The following ITPK1 variants were observed in gnomAD, a reference collection of about 807,000 sequenced individuals.
ITPK1 encodes inositol 1,3,4-trisphosphate 5/6-kinase.
In ITPK1, 21 loss-of-function variants were observed where a neutral mutation model predicts 45.3. The ratio of observed to expected loss-of-function variants is 0.46; its 90% CI spans 0.33 to 0.67. ITPK1 has a LOEUF of 0.67. Among genes scored for constraint, ITPK1 ranks in the 30% least tolerant of loss-of-function variants. The probability of loss-of-function intolerance (pLI) is 0.02; values close to 1 mark genes in which losing one functional copy is unlikely to be tolerated. For missense variants in ITPK1, 474 were observed against 573.5 expected (o/e 0.83, Z 1.77); for synonymous variants, 258 against 253.6 (o/e 1.02, Z -0.16).
intron 3 of ITPK1, among the ~76,000 whole-genome samples, chr14:93,058,675 G>A (rs1350929352): frequency 1.2e-4 from 2 of 16,428 alleles, no homozygotes; most frequent in African/African-American, 3.3e-4. Context: ...GAGGGGGTGC[G>A]GGTTATGAGG....
chr14:92,945,425 C>A, intron 10 of ITPK1, among the ~76,000 whole-genome samples: 1 of 152,266 alleles, frequency 6.6e-6, no homozygotes, highest in East Asian at 1.9e-4. Flanking sequence ...CAGGCACAGT[C>A]TCTGAAGGCA....
chr14:93,091,473 T>G (rs1209280707), intron 2 of ITPK1, among the ~76,000 whole-genome samples: 1 of 152,216 alleles, frequency 6.6e-6, no homozygotes, highest in Non-Finnish European at 1.5e-5. Flanking sequence ...TCATTCTCTC[T>G]TTTTAATCTT....
intron 8 of ITPK1, among the ~76,000 whole-genome samples, chr14:92,954,736 C>T (rs1417547384): frequency 6.7e-6 from 1 of 149,420 alleles, no homozygotes; most frequent in Non-Finnish European, 1.5e-5. Context: ...TTATTTCCTT[C>T]ATCTCCTCTC....
chr14:93,090,210 G>A (rs556785378), intron 2 of ITPK1, among the ~76,000 whole-genome samples: 79 of 151,654 alleles, frequency 5.2e-4, no homozygotes, highest in Non-Finnish European at 1.0e-3. Context: ...CTAGCACACC[G>A]GGCTTCCTGC....
At chr14:92,960,154 C>T (rs972864460) in intron 7 of ITPK1, among the ~76,000 whole-genome samples, 1 of 152,186 alleles carries the variant, frequency 6.6e-6, no homozygotes, top group African/African-American at 2.4e-5. Flanking sequence ...GCACACCTTG[C>T]CGGCAGTGGA....
intron 4 of ITPK1, among the ~76,000 whole-genome samples, chr14:93,006,496 A>C (rs1887622941): frequency 1.3e-5 from 2 of 152,222 alleles, no homozygotes; most frequent in African/African-American, 4.8e-5. Context: ...GTGATTCTGC[A>C]TGCAGACCCC....
intron 3 of ITPK1, among the ~76,000 whole-genome samples, chr14:93,038,326 C>T (rs929681023): frequency 2.0e-5 from 3 of 152,160 alleles, no homozygotes; most frequent in Non-Finnish European, 4.4e-5. Flanking sequence ...TGAGCCACCA[C>T]GTCCAGCCAA....
At chr14:93,085,478 G>A (rs1891613438) in intron 2 of ITPK1, among the ~76,000 whole-genome samples, 1 of 152,160 alleles carries the variant, frequency 6.6e-6, no homozygotes, top group African/African-American at 2.4e-5. Context: ...TTCCAGGGGT[G>A]CCTGGAAGCA....
chr14:93,024,449 ACAGCCAGGG>A (rs1453509482), intron 3 of ITPK1, among the ~76,000 whole-genome samples: 1 of 152,214 alleles, frequency 6.6e-6, no homozygotes, highest in Non-Finnish European at 1.5e-5. Flanking sequence ...CGATGAGCAC[ACAGCCAGGG>A]CCAGCCATCG....
At chr14:93,108,640 G>A (rs765310846) in intron 2 of ITPK1, among the ~76,000 whole-genome samples, 6 of 152,384 alleles carry the variant, frequency 3.9e-5, no homozygotes, top group Admixed American at 1.3e-4. Context: ...CTGAGCGCAG[G>A]AGGGTGCGCA....
At chr14:93,066,502 TCG>T (rs1890759755) in intron 3 of ITPK1, 2 of 321,824 alleles carry the variant, frequency 6.2e-6, no homozygotes, top group East Asian at 1.9e-4. Flanking sequence ...CCTCCCGCGT[TCG>T]CGCCATTCTC....
At chr14:93,109,646 G>C (rs945759748) in intron 2 of ITPK1, among the ~76,000 whole-genome samples, 3 of 152,162 alleles carry the variant, frequency 2.0e-5, no homozygotes, top group Admixed American at 2.0e-4. Flanking sequence ...AAGTAGGTGG[G>C]GACAGCACCT....
At chr14:93,073,331 G>A (rs1891097856) in intron 3 of ITPK1, among the ~76,000 whole-genome samples, 1 of 152,212 alleles carries the variant, frequency 6.6e-6, no homozygotes, top group Non-Finnish European at 1.5e-5. Flanking sequence ...GAGGCACAGG[G>A]GTGGCAGGGA....
At chr14:93,023,705 T>C (rs1888582590) in intron 3 of ITPK1, among the ~76,000 whole-genome samples, 1 of 152,178 alleles carries the variant, frequency 6.6e-6, no homozygotes, top group African/African-American at 2.4e-5. Flanking sequence ...CATTGTAGTT[T>C]ATTAGTATTT....
chr14:92,938,087 G>A lies in ITPK1; in HGVS notation c.*3474C>T. 4.5e-6 allele frequency: 1 copy of A among 224,194 alleles called. No individual in the cohort carries two copies. The highest frequency in any genetic ancestry group is 7.4e-5 in the South Asian group (1 of 13,508). The allele number at this position is 224,194 out of a possible 1,614,324, so 13.9% of individuals were successfully genotyped here. On this transcript the variant is annotated 3_prime_UTR_variant, in exon 11 of 11. Transcript: ENST00000267615. ...CAATTCTCCTGCCTCAGCCTCCCAA[G>A]TAGCTGGGACTACAGGCGCCCACCA...
chr14:93,070,767 T>G (rs1467811625), intron 3 of ITPK1: 2 of 153,006 alleles, frequency 1.3e-5, no homozygotes, highest in African/African-American at 4.8e-5. Context: ...GGGCCTGGCT[T>G]GGGCCTGTGT....
intron 5 of ITPK1, among the ~76,000 whole-genome samples, chr14:92,986,546 G>T (rs1483896590): frequency 6.6e-6 from 1 of 152,216 alleles, no homozygotes; most frequent in Non-Finnish European, 1.5e-5. Context: ...TAGAGGAGGG[G>T]TGCCTGTGGG....
intron 10 of ITPK1, 93 bp from the exon 11 acceptor site, chr14:92,941,997 G>A: frequency 1.8e-6 from 2 of 1,084,044 alleles, no homozygotes; most frequent in South Asian, 1.4e-5. Context: ...ATGGGCTCCT[G>A]GGATGAGGCA....
At chr14:93,006,571 T>A (rs1412185009) in intron 4 of ITPK1, among the ~76,000 whole-genome samples, 1 of 152,176 alleles carries the variant, frequency 6.6e-6, no homozygotes, top group East Asian at 1.9e-4. Flanking sequence ...CTACCCACAA[T>A]GGTCACTTCG....
Sources: gnomAD v4.1 joint callset for allele counts (sites outside exome capture counted in the v4.1 genomes callset) on GRCh38, gnomAD v4.1.1 for gene constraint, MANE v1.5 for transcripts, NCBI Gene and HGNC (gene_info 2026-07-23, HGNC 2026-07-21) for gene names.